Variants in UNC5D observed in about 807,000 individuals in gnomAD.
UNC5D encodes the protein unc-5 netrin receptor D, also known as netrin receptor UNC5D.
A neutral mutation model predicts 105.4 loss-of-function variants in UNC5D; 39 were observed. That is an observed-to-expected ratio of 0.37 (90% CI 0.29 to 0.48). The LOEUF (loss-of-function observed/expected upper bound fraction) is 0.48. Ranked by LOEUF, UNC5D falls within the 20% of genes least tolerant of loss-of-function variation. The pLI is 0.98. For synonymous variants in UNC5D, 452 were observed against 450.4 expected (o/e 1.00, Z -0.04); for missense variants, 991 against 1,202.4 (o/e 0.82, Z 2.60).
chr8:35,557,674 C>G (rs1439883111), intron 2 of UNC5D, among the ~76,000 whole-genome samples: 2 of 151,952 alleles, frequency 1.3e-5, no homozygotes, highest in African/African-American at 4.8e-5. Flanking sequence ...TTAAAAGAGT[C>G]CCCGGAGCTG....
At chr8:35,241,819 T>C (rs1240052318) in intron 1 of UNC5D, among the ~76,000 whole-genome samples, 1 of 152,194 alleles carries the variant, frequency 6.6e-6, no homozygotes, top group Non-Finnish European at 1.5e-5. Flanking sequence ...ATATTTATCT[T>C]TTCTTTATGC....
intron 1 of UNC5D, among the ~76,000 whole-genome samples, chr8:35,355,309 C>T (rs1417015236): frequency 6.6e-6 from 1 of 152,126 alleles, no homozygotes; most frequent in Non-Finnish European, 1.5e-5. Context: ...AACCTTCCTT[C>T]CTTGTTATCA....
At chr8:35,559,245 A>G (rs1311067101) in intron 2 of UNC5D, among the ~76,000 whole-genome samples, 1 of 152,200 alleles carries the variant, frequency 6.6e-6, no homozygotes, top group African/African-American at 2.4e-5. Context: ...GAGATAAACC[A>G]TTCTACCAAA....
At chr8:35,247,308 T>C (rs1803173973) in intron 1 of UNC5D, among the ~76,000 whole-genome samples, 1 of 150,552 alleles carries the variant, frequency 6.6e-6, no homozygotes, top group Non-Finnish European at 1.5e-5. Context: ...TACAGAATGC[T>C]GAGGTCATGA....
At chr8:35,250,862 C>T (rs954149514) in intron 1 of UNC5D, among the ~76,000 whole-genome samples, 2 of 152,098 alleles carry the variant, frequency 1.3e-5, no homozygotes, top group African/African-American at 4.8e-5. Flanking sequence ...TTGCCGCCAT[C>T]TTTATGTCCA....
At chr8:35,742,118 A>C (rs1829793134) in intron 11 of UNC5D, among the ~76,000 whole-genome samples, 1 of 152,134 alleles carries the variant, frequency 6.6e-6, no homozygotes, top group South Asian at 2.1e-4. Context: ...ACATAGCCAC[A>C]GTGTTGGGGT....
At chr8:35,682,359 C>T (rs1825726994) in intron 4 of UNC5D, among the ~76,000 whole-genome samples, 1 of 152,192 alleles carries the variant, frequency 6.6e-6, no homozygotes, top group Non-Finnish European at 1.5e-5. Context: ...GTGAGCTGTG[C>T]TTGTGGTGAG....
In UNC5D at chr8:35,588,678, T is replaced by G. The variant is rs73674033; in HGVS notation, c.467-6876T>G. ...CCCCATTGCCTGGCACAGTGTCCAG[T>G]GGGAGTCAACAGCGGGAGTGAGTGA... is the stretch of plus-strand genomic sequence containing the variant. On this transcript the variant is annotated intron_variant, in intron 3 of 16. Coordinates refer to ENST00000404895, the MANE Select transcript of UNC5D (RefSeq NM_080872.4). Among the ~76,000 whole-genome samples the G allele has an allele frequency of 8.9e-4, 136 of 152,238 alleles. 1 individual carries two copies. The highest frequency in any genetic ancestry group is 2.8e-3 in the African/African-American group (115 of 41,532).
At chr8:35,726,016 G>T in intron 9 of UNC5D, 136 bp from the exon 10 acceptor site, 1 of 1,158,862 alleles carries the variant, frequency 8.6e-7, no homozygotes, top group Non-Finnish European at 1.2e-6. Flanking sequence ...ACCTGGCAGG[G>T]TGGTCCTGAA....
chr8:35,301,670 T>C (rs907790952), intron 1 of UNC5D, among the ~76,000 whole-genome samples: 1 of 152,192 alleles, frequency 6.6e-6, no homozygotes, highest in Non-Finnish European at 1.5e-5. Context: ...AATTACGTTT[T>C]GGTTTGTTTG....
chr8:35,310,816 C>T (rs929623514), intron 1 of UNC5D, among the ~76,000 whole-genome samples: 4 of 151,950 alleles, frequency 2.6e-5, no homozygotes, highest in African/African-American at 9.7e-5. Flanking sequence ...TTAAATACCT[C>T]CTTAGAGGTC....
chr8:35,484,853 G>A (rs1810726059), intron 1 of UNC5D, among the ~76,000 whole-genome samples: 1 of 152,070 alleles, frequency 6.6e-6, no homozygotes, highest in Non-Finnish European at 1.5e-5. Context: ...TTCAATGGAG[G>A]GACTTAGAAT....
intron 1 of UNC5D, among the ~76,000 whole-genome samples, chr8:35,516,722 C>T (rs745680068): frequency 1.3e-5 from 2 of 152,176 alleles, no homozygotes; most frequent in Non-Finnish European, 2.9e-5. Context: ...CTGTATCCAG[C>T]ACAAGCCCTA....
intron 1 of UNC5D, among the ~76,000 whole-genome samples, chr8:35,263,114 T>C (rs1804600780): frequency 6.6e-6 from 1 of 152,134 alleles, no homozygotes; most frequent in Admixed American, 6.5e-5. Context: ...TCACATATTC[T>C]TTTTTAAGAG....
At chr8:35,452,756 A>G (rs1267168516) in intron 1 of UNC5D, among the ~76,000 whole-genome samples, 1 of 152,168 alleles carries the variant, frequency 6.6e-6, no homozygotes, top group Non-Finnish European at 1.5e-5. Flanking sequence ...ATAGAAAAAT[A>G]AGTGGGTATT....
intron 1 of UNC5D, among the ~76,000 whole-genome samples, chr8:35,463,747 C>T (rs1809080024): frequency 6.6e-6 from 1 of 150,772 alleles, no homozygotes; most frequent in Admixed American, 6.6e-5. Flanking sequence ...GATTGTGACA[C>T]TGCACTGCAC....
chr8:35,734,662 G>A (rs1001257606), intron 11 of UNC5D, among the ~76,000 whole-genome samples: 3 of 152,060 alleles, frequency 2.0e-5, no homozygotes, highest in Admixed American at 6.6e-5. Flanking sequence ...CGCCCACCTC[G>A]GCATCCCCAA....
intron 16 of UNC5D, among the ~76,000 whole-genome samples, chr8:35,777,862 GAA>G (rs1419096829): frequency 9.8e-5 from 15 of 152,308 alleles, no homozygotes; most frequent in African/African-American, 3.6e-4. Flanking sequence ...GGGAGGAAAA[GAA>G]AGAGGGAAGA....
At chr8:35,348,135 T>C (rs969173670) in intron 1 of UNC5D, among the ~76,000 whole-genome samples, 1 of 151,956 alleles carries the variant, frequency 6.6e-6, no homozygotes, top group Non-Finnish European at 1.5e-5. Context: ...CTAATATTGG[T>C]AGCTTAGTGT....
Sources: gnomAD v4.1 joint callset for allele counts (sites outside exome capture counted in the v4.1 genomes callset) on GRCh38, gnomAD v4.1.1 for gene constraint, MANE v1.5 for transcripts, NCBI Gene and HGNC (gene_info 2026-07-23, HGNC 2026-07-21) for gene names.